The following EIF3G variants were observed in gnomAD, a reference collection of about 807,000 sequenced individuals.
EIF3G encodes eukaryotic translation initiation factor 3 RNA-binding subunit.
EIF3G carries 10 observed loss-of-function variants against 41.7 expected under a neutral mutation model. That is an observed-to-expected ratio of 0.24 (90% CI 0.15 to 0.41). EIF3G has a LOEUF of 0.41. Among genes scored for constraint, EIF3G ranks in the 10% least tolerant of loss-of-function variants. The pLI, the probability that EIF3G is intolerant of heterozygous loss-of-function variation, is 1.00. For synonymous variants in EIF3G, 204 were observed against 172.5 expected (o/e 1.18, Z -1.43); for missense variants, 297 against 444.0 (o/e 0.67, Z 2.98).
At chr19:10,115,381 A>G (rs2089224461) in intron 10 of EIF3G, 98 bp downstream of exon 10, 2 of 1,359,766 alleles carry the variant, frequency 1.5e-6, no homozygotes, top group Non-Finnish European at 2.0e-6. Flanking sequence ...CAGCCGGGGG[A>G]CTGTTAAATT....
chr19:10,118,539 TG>T, intron 5 of EIF3G, 128 bp downstream of exon 5: 2 of 1,049,856 alleles, frequency 1.9e-6, no homozygotes, highest in Non-Finnish European at 2.8e-6. Flanking sequence ...CACTTCAGCC[TG>T]GGGGACAGAG....
chr19:10,115,790 T>C lies in EIF3G; in HGVS notation c.734A>G (p.Asn245Ser). 1.2e-6 allele frequency: 2 copies of C among 1,613,792 alleles called. No individual in the cohort carries two copies. Among genetic ancestry groups the C allele is most frequent in the Non-Finnish European group, 1.7e-6 (2 of 1,180,010 alleles). The change falls in exon 9 of 11, where the codon AAC (asparagine) becomes AGC (serine). Residue 245 changes from asparagine (N) to serine (S), a missense_variant. Asn to Ser is a conservative substitution (Grantham distance 46, BLOSUM62 1). Around this residue, in one of 4 missense-constraint regions of EIF3G, gnomAD observed 91 missense variants for 170.5 expected, o/e 0.53. Transcript: ENST00000253108. The stretch of plus-strand genomic sequence containing the variant: ...GGTCTCACGCGTGTCCTCTGACAAG[T>C]TGGTGACACGGATGGTGGCGTTGTC... ...ADDNATIRVT[N>S]LSEDTRETDL...
rs2089224737 is a variant in EIF3G at position 10,115,404 on chromosome 19, T to C, written c.947+75A>G. On this transcript the variant is annotated intron_variant, in intron 10 of 10. Transcript: ENST00000253108. ...GGACTGTTAAATTGGCTCAGGGCTA[T>C]TGGTTGGCCCAACACTCCGTGAAGG... 4 of 1,479,074 alleles carry C rather than the reference T, an allele frequency of 2.7e-6. No individual in the cohort carries two copies. In the East Asian group the frequency reaches 9.1e-5, roughly 34 times the overall value. 91.6% of individuals were successfully genotyped at this position (1,479,074 alleles called of 1,614,324 possible).
rs1399258915 is a variant in EIF3G, at chr19:10,117,116, C to T, written c.373G>A (p.Asp125Asn). 1.9e-6 allele frequency: 3 copies of T among 1,613,590 alleles called. No homozygotes were observed. Among genetic ancestry groups the T allele is most frequent in the African/African-American group, 1.3e-5 (1 of 74,838 alleles). ...PNVATTTVSDDVSMTFITSKE... is the reference protein window; with the variant it reads ...PNVATTTVSDNVSMTFITSKE... ...CTGGTGATGAACGTCATAGAGACATCGTCACTGACAGTGGTGGTGGCCACA... is the reference window on the plus strand; with the variant it reads ...CTGGTGATGAACGTCATAGAGACATTGTCACTGACAGTGGTGGTGGCCACA... Residue 125 changes from aspartate (D) to asparagine (N), a missense_variant, in exon 6 of 11, where the codon GAT becomes AAT. By Grantham distance (23) the Asp-to-Asn change is conservative. Transcript: ENST00000253108.
Position 10,118,911 on chromosome 19 carries a change from G to A in EIF3G, c.197C>T (p.Thr66Ile), listed in dbSNP as rs748986834. Residue 66 changes from threonine (T) to isoleucine (I), a missense_variant, in exon 4 of 11, where the codon ACA becomes ATA. Around this residue, in one of 4 missense-constraint regions of EIF3G, gnomAD observed 147 missense variants for 162.4 expected, o/e 0.91. Transcript: ENST00000253108. The part of the protein sequence containing the change: ...PKEVINGNIK[T>I]VTEYKIDEDG... ...CTCATCTATCTTGTACTCTGTCACTGTCTTTATGTTTCCGTTGATGACCTC... is the reference window on the plus strand; with the variant it reads ...CTCATCTATCTTGTACTCTGTCACTATCTTTATGTTTCCGTTGATGACCTC... 1.2e-6 allele frequency: 2 copies of A among 1,613,422 alleles called. No homozygotes were observed. Among genetic ancestry groups the A allele is most frequent in the Non-Finnish European group, 8.5e-7 (1 of 1,179,962 alleles).
In EIF3G at chr19:10,115,110, T is replaced by C. The variant is rs373177628; in HGVS notation, c.*4A>G. ...CCCGGACCGAGTACACAGTGGCAGC[T>C]GGCTTAGTTGGTGGACGGCCTGGGG... On this transcript the variant is annotated 3_prime_UTR_variant, in exon 11 of 11. Transcript: ENST00000253108. 71 of 1,613,850 alleles carry C rather than the reference T, an allele frequency of 4.4e-5. No individual in the cohort carries two copies. Among genetic ancestry groups the C allele is most frequent in the South Asian group, 4.2e-4 (38 of 91,004 alleles).
chr19:10,117,218 G>A, intron 5 of EIF3G, 30 bp from the exon 6 acceptor site: 2 of 1,548,164 alleles, frequency 1.3e-6, no homozygotes, highest in Non-Finnish European at 1.8e-6. Context: ...GGGGACAGTT[G>A]AGGGCAGGGG....
chr19:10,115,722 T>C lies in EIF3G; in HGVS notation c.802A>G (p.Ile268Val), dbSNP rs2089233096. 1 of 1,614,194 alleles carries C rather than the reference T, an allele frequency of 6.2e-7. No homozygotes were observed. Among genetic ancestry groups the C allele is most frequent in the South Asian group, 1.1e-5 (1 of 91,084 alleles). ...LFRPFGSISR[I>V]YLAKDKTTGQ... ...GTGGTCTTGTCCTTAGCCAGGTAGA[T>C]GCGGGAGATGGAGCCGAAAGGCCGG... is the stretch of plus-strand genomic sequence containing the variant. The change falls in exon 9 of 11, where the codon ATC (isoleucine) becomes GTC (valine). Residue 268 changes from isoleucine to valine, a missense_variant. By Grantham distance (29) the Ile-to-Val change is conservative. Coordinates refer to ENST00000253108, the MANE Select transcript of EIF3G (RefSeq NM_003755.5).
rs911365678 is a variant in EIF3G, at chr19:10,118,716, G to A, written c.252C>T (p.Thr84=). ...EDGKKFKIVR[T]FRIETRKASK... ...AAGCCTTCCGGGTCTCAATCCTGAA[G>A]GTGCGGACAATCTGAGGATGGGAGG... The change falls in exon 5 of 11, where the codon ACC becomes ACT. Residue 84 remains threonine (T), a synonymous_variant. Coordinates refer to ENST00000253108, the MANE Select transcript of EIF3G (RefSeq NM_003755.5). 1 of 1,613,996 alleles carries A rather than the reference G, an allele frequency of 6.2e-7. No homozygotes were observed. The highest frequency in any genetic ancestry group is 2.2e-5 in the East Asian group (1 of 44,890).
In EIF3G at chr19:10,115,571, G is replaced by A; in HGVS notation, c.855C>T (p.Ile285=). ...TTGQSKGFAF[I]SFHRREDAAR... ...CAGCATCCTCGCGGCGGTGGAAGCT[G>A]ATGAAGGCAAAGCCCTGTGGAGGGG... Residue 285 remains isoleucine, a synonymous_variant, in exon 10 of 11, where the codon ATC becomes ATT. Transcript: ENST00000253108. The A allele has an allele frequency of 6.2e-7, 1 of 1,612,044 alleles. No individual in the cohort carries two copies. The highest frequency in any genetic ancestry group is 1.1e-5 in the South Asian group (1 of 90,980).
At position 10,115,092 on chromosome 19, in the gene EIF3G, C is replaced by T. The variant is rs201130706; in HGVS notation, c.*22G>A. 2.3e-5 allele frequency: 37 copies of T among 1,613,928 alleles called. No individual in the cohort carries two copies. The highest frequency in any genetic ancestry group is 2.7e-5 in the African/African-American group (2 of 75,052). The stretch of plus-strand genomic sequence containing the variant: ...TCTTCTGTCGCCAAGGGTCCCGGAC[C>T]GAGTACACAGTGGCAGCTGGCTTAG... On this transcript the variant is annotated 3_prime_UTR_variant, in exon 11 of 11. Transcript: ENST00000253108.
At position 10,116,242 on chromosome 19, in the gene EIF3G, C is replaced by T. The variant is rs546081969; in HGVS notation, c.596-168G>A. ...ACCAAGGTGACACCTGAGAAGCTGA[C>T]ACCATTTGAGCTCCCAGCCAGCGAC... On this transcript the variant is annotated intron_variant, in intron 7 of 10. Transcript: ENST00000253108. This position sits in a 1 kb window ranked among gnomAD's most constrained non-coding sequence, Gnocchi z 4.1. 1.1e-4 allele frequency: 70 copies of T among 655,016 alleles called. No individual in the cohort carries two copies. In the African/African-American group the frequency reaches 1.2e-3, roughly 11 times the overall value. The allele number at this position is 655,016 out of a possible 1,614,324, so 40.6% of individuals were successfully genotyped here. A position where few individuals can be genotyped will look rare whatever the true frequency, so the allele number is the denominator to read the frequency against.
Position 10,115,846 on chromosome 19 carries a change from TGA to T in EIF3G, c.704-28_704-27del, listed in dbSNP as rs377152440. On this transcript the variant is annotated intron_variant, in intron 8 of 10. Transcript: ENST00000253108. ...CTGTGTGGGAGAGGGGAGGTGGCTG[TGA>T]GGGGGAGGACACTGCCCAGCCCTCG... 862 of 1,608,720 alleles carry T rather than the reference TGA, an allele frequency of 5.4e-4. 1 individual carries two copies. The highest frequency in any genetic ancestry group is 3.0e-3 in the Middle Eastern group (18 of 5,984).
Position 10,115,869 on chromosome 19 carries a change from C to T in EIF3G, c.704-49G>A, listed in dbSNP as rs1231172884. On this transcript the variant is annotated intron_variant, in intron 8 of 10. Coordinates refer to ENST00000253108, the MANE Select transcript of EIF3G (RefSeq NM_003755.5). ...TGTGAGGGGGAGGACACTGCCCAGCCCTCGTGTGCTGCCCAGCCCTCGTGT... is the reference window on the plus strand; with the variant it reads ...TGTGAGGGGGAGGACACTGCCCAGCTCTCGTGTGCTGCCCAGCCCTCGTGT... The T allele has an allele frequency of 2.5e-6, 4 of 1,581,892 alleles. No individual in the cohort carries two copies. The African/African-American group carries it at 6.0e-5, about 24-fold the overall frequency.
At position 10,116,165 on chromosome 19, in the gene EIF3G, C is replaced by T; in HGVS notation, c.596-91G>A. 7.6e-7 allele frequency: 1 copy of T among 1,314,508 alleles called. No individual in the cohort carries two copies. Among genetic ancestry groups the T allele is most frequent in the Non-Finnish European group, 1.1e-6 (1 of 948,076 alleles). 81.4% of individuals were successfully genotyped at this position (1,314,508 alleles called of 1,614,324 possible). ...AGGAAGCTCGGGCTTCAGTGTTGAG[C>T]CAGCGCAGGCACTGTGTGCCAAACC... On this transcript the variant is annotated intron_variant, in intron 7 of 10. Coordinates refer to ENST00000253108, the MANE Select transcript of EIF3G (RefSeq NM_003755.5). The surrounding 1 kb of genome is among the most constrained non-coding windows in gnomAD (Gnocchi z 4.1).
At chr19:10,115,445 GGGAGCA>G (rs768604898) in intron 10 of EIF3G, 28 bp downstream of exon 10, 9 of 1,577,630 alleles carry the variant, frequency 5.7e-6, no homozygotes, top group African/African-American at 1.3e-5. Flanking sequence ...GGACAAGGCA[GGGAGCA>G]GGGGCTGGGG....
rs769120649 is a variant in EIF3G at position 10,115,941 on chromosome 19, C to T, written c.703+26G>A. On this transcript the variant is annotated intron_variant, in intron 8 of 10. Coordinates refer to ENST00000253108, the MANE Select transcript of EIF3G (RefSeq NM_003755.5). Reference sequence around the variant, plus strand: ...GAGGTGCCGGGAGGTGCCCACCCACCAGCCTGGCGTCGGGGTGCCCCTCAC... The same window carrying T: ...GAGGTGCCGGGAGGTGCCCACCCACTAGCCTGGCGTCGGGGTGCCCCTCAC... 4 of 1,608,330 alleles carry T rather than the reference C, an allele frequency of 2.5e-6. No individual in the cohort carries two copies. In the South Asian group the frequency reaches 4.4e-5, roughly 18 times the overall value.
intron 5 of EIF3G, 199 bp from the exon 6 acceptor site, chr19:10,117,387 G>A: frequency 1.8e-6 from 1 of 557,406 alleles, no homozygotes; most frequent in Non-Finnish European, 3.2e-6. Flanking sequence ...CAGGAGGCAG[G>A]GCAGCTGTCA....
In EIF3G at chr19:10,115,429, G is replaced by C. The variant is rs773047382; in HGVS notation, c.947+50C>G. ...TTGGTTGGCCCAACACTCCGTGAAG[G>C]TGCTGGGACAAGGCAGGGAGCAGGG... is the stretch of plus-strand genomic sequence containing the variant. On this transcript the variant is annotated intron_variant, in intron 10 of 10. Coordinates refer to ENST00000253108, the MANE Select transcript of EIF3G (RefSeq NM_003755.5). The C allele has an allele frequency of 8.3e-6, 13 of 1,558,760 alleles. No homozygotes were observed. In the East Asian group the frequency reaches 2.5e-4, roughly 30 times the overall value.
Sources: allele counts gnomAD v4.1 joint callset, GRCh38; gene constraint gnomAD v4.1.1; regional missense constraint gnomAD v4.1.1; non-coding constraint Gnocchi (gnomAD v3.1); transcripts MANE v1.5; gene names NCBI Gene and HGNC (gene_info 2026-07-23, HGNC 2026-07-21).